The following NIPSNAP1 variants were observed in gnomAD, a reference collection of about 807,000 sequenced individuals.
NIPSNAP1 encodes the protein protein NipSnap homolog 1.
A neutral mutation model predicts 49.2 loss-of-function variants in NIPSNAP1; 25 were observed. That is an observed-to-expected ratio of 0.51 (90% CI 0.37 to 0.71). NIPSNAP1 has a LOEUF of 0.71. Ranked by LOEUF, NIPSNAP1 falls within the 30% of genes least tolerant of loss-of-function variation. NIPSNAP1 has a pLI of 0.00. For synonymous variants in NIPSNAP1, 143 were observed against 140.7 expected (o/e 1.02, Z -0.12); for missense variants, 294 against 361.0 (o/e 0.81, Z 1.50).
intron 8 of NIPSNAP1, among the ~76,000 whole-genome samples, chr22:29,560,319 C>A (rs908787946): frequency 8.6e-5 from 13 of 151,800 alleles, no homozygotes; most frequent in African/African-American, 3.1e-4. Context: ...GTGATCTCAG[C>A]TCACTGCAAC....
intron 1 of NIPSNAP1, among the ~76,000 whole-genome samples, chr22:29,579,117 G>A (rs2064477133): frequency 6.6e-6 from 1 of 150,650 alleles, no homozygotes; most frequent in African/African-American, 2.5e-5. Flanking sequence ...CTGTCACCCG[G>A]GTTGGAGTGC....
chr22:29,564,289 G>GA, intron 4 of NIPSNAP1: 1 of 469,372 alleles, frequency 2.1e-6, no homozygotes, highest in East Asian at 7.0e-5. Flanking sequence ...AAAATGGCCT[G>GA]ACCCTATGGT....
chr22:29,571,666 C>G (rs545569363), intron 1 of NIPSNAP1, among the ~76,000 whole-genome samples: 3 of 152,328 alleles, frequency 2.0e-5, no homozygotes, highest in African/African-American at 7.2e-5. Flanking sequence ...AGCCAGGGAG[C>G]CTGGCAAGAG....
chr22:29,569,441 G>A (rs759208634), intron 3 of NIPSNAP1, among the ~76,000 whole-genome samples, 154 bp from the exon 4 acceptor site: 2 of 151,980 alleles, frequency 1.3e-5, no homozygotes, highest in East Asian at 3.9e-4. Context: ...CAGGACTTCC[G>A]ACACTGAAAT....
chr22:29,563,835 G>A (rs972718585), intron 4 of NIPSNAP1, among the ~76,000 whole-genome samples: 1 of 152,138 alleles, frequency 6.6e-6, no homozygotes, highest in Non-Finnish European at 1.5e-5. Flanking sequence ...ACAAGCCAAG[G>A]AACACTAAGA....
At chr22:29,576,510 T>C (rs1342419421) in intron 1 of NIPSNAP1, among the ~76,000 whole-genome samples, 1 of 151,552 alleles carries the variant, frequency 6.6e-6, no homozygotes. Flanking sequence ...GTATCCCCTA[T>C]GCTTGGAGCA....
chr22:29,565,701 T>C (rs946333159), intron 4 of NIPSNAP1, among the ~76,000 whole-genome samples: 2 of 151,840 alleles, frequency 1.3e-5, no homozygotes, highest in African/African-American at 4.8e-5. Flanking sequence ...TATCAGTGTC[T>C]AGCCAGGTAT....
At chr22:29,568,047 A>C (rs1386136107) in intron 4 of NIPSNAP1, among the ~76,000 whole-genome samples, 1 of 150,122 alleles carries the variant, frequency 6.7e-6, no homozygotes, top group Non-Finnish European at 1.5e-5. Context: ...AGCATGGTGG[A>C]GCGCACCTAT....
intron 3 of NIPSNAP1, chr22:29,569,755 G>A (rs992871730): frequency 3.0e-6 from 1 of 335,894 alleles, no homozygotes; most frequent in Non-Finnish European, 5.7e-6. Flanking sequence ...CTCGGAGGCC[G>A]AGGCAGGTGG....
chr22:29,562,270 G>T (rs1426374530), intron 4 of NIPSNAP1, among the ~76,000 whole-genome samples: 1 of 152,202 alleles, frequency 6.6e-6, no homozygotes, highest in Non-Finnish European at 1.5e-5. Context: ...GGGGAGAACT[G>T]ATGGGCTGAT....
intron 4 of NIPSNAP1, among the ~76,000 whole-genome samples, chr22:29,567,898 C>T (rs566309052): frequency 1.3e-5 from 2 of 151,958 alleles, no homozygotes; most frequent in South Asian, 4.2e-4. Flanking sequence ...AACTGAAAGG[C>T]CAGGCACGGT....
At chr22:29,572,604 A>C (rs1342704305) in intron 1 of NIPSNAP1, among the ~76,000 whole-genome samples, 1 of 151,868 alleles carries the variant, frequency 6.6e-6, no homozygotes, top group Non-Finnish European at 1.5e-5. Flanking sequence ...AGGCCATGAG[A>C]CAAGCCTGGG....
At chr22:29,556,438 C>T (rs552156471) in intron 9 of NIPSNAP1, among the ~76,000 whole-genome samples, 21 of 152,000 alleles carry the variant, frequency 1.4e-4, no homozygotes, top group African/African-American at 5.1e-4. Flanking sequence ...GCAGGAGAAT[C>T]GCTTGAACCC....
At position 29,554,906 on chromosome 22, in the gene NIPSNAP1, T is replaced by TG. The variant is rs2064276836; in HGVS notation, c.*1028dup. ...CTACCCAAGGGTTCATGATGAGGTA[T>TG]GGGGGTCACTGAGGAGACCCCCAGA... is the stretch of plus-strand genomic sequence containing the variant. On this transcript the variant is annotated 3_prime_UTR_variant, in exon 10 of 10. Coordinates refer to ENST00000216121, the MANE Select transcript of NIPSNAP1 (RefSeq NM_003634.4). 6.5e-6 allele frequency: 1 copy of TG among 152,720 alleles called. No homozygotes were observed. Among genetic ancestry groups the TG allele is most frequent in the Admixed American group, 6.5e-5 (1 of 15,286 alleles). 9.5% of individuals were successfully genotyped at this position (152,720 alleles called of 1,614,324 possible). A position where few individuals can be genotyped will look rare whatever the true frequency, so the allele number is the denominator to read the frequency against.
intron 1 of NIPSNAP1, among the ~76,000 whole-genome samples, chr22:29,572,368 T>C (rs1420482622): frequency 7.1e-6 from 1 of 140,394 alleles, no homozygotes; most frequent in African/African-American, 2.7e-5. Context: ...TTTTCCAAAA[T>C]ATGGAGCAGC....
At chr22:29,574,289 A>AAAAAAAAAAAAAAAAAAGAAAGAAAAAG (rs2064434492) in intron 1 of NIPSNAP1, among the ~76,000 whole-genome samples, 11 of 125,250 alleles carry the variant, frequency 8.8e-5, no homozygotes, top group African/African-American at 3.6e-4. Context: ...AAAAAAAAAA[A>AAAAAAAAAAAAAAAAAAGAAAGAAAAAG]AAAGAAAGAA....
intron 4 of NIPSNAP1, among the ~76,000 whole-genome samples, chr22:29,568,250 C>G (rs1048457355): frequency 2.9e-5 from 4 of 140,070 alleles, no homozygotes; most frequent in African/African-American, 1.1e-4. Flanking sequence ...TTTGGGAGGC[C>G]GAGGCAGGTG....
intron 8 of NIPSNAP1, 73 bp from the exon 9 acceptor site, chr22:29,559,026 C>T: frequency 1.9e-6 from 2 of 1,071,096 alleles, no homozygotes; most frequent in Non-Finnish European, 2.9e-6. Flanking sequence ...GGCCCTCTTC[C>T]CACTGTCCCC....
At chr22:29,561,145 AC>A (rs755360682) in intron 7 of NIPSNAP1, 25 bp downstream of exon 7, 9 of 1,607,194 alleles carry the variant, frequency 5.6e-6, no homozygotes, top group Admixed American at 3.3e-5. Context: ...GCCTCCCCCA[AC>A]CCCAGTCTTG....
Sources: allele counts gnomAD v4.1 joint callset (sites outside exome capture counted in the v4.1 genomes callset), GRCh38; gene constraint gnomAD v4.1.1; transcripts MANE v1.5; gene names NCBI Gene and HGNC (gene_info 2026-07-23, HGNC 2026-07-21).